SH3RF2: variants seen among roughly 807,000 people sequenced by gnomAD.
The protein encoded by SH3RF2 is SH3 domain containing ring finger 2, also known as E3 ubiquitin-protein ligase SH3RF2.
Under a neutral mutation model 59.0 loss-of-function variants are expected in SH3RF2, and 43 were observed. The ratio of observed to expected loss-of-function variants is 0.73; its 90% CI spans 0.57 to 0.94. SH3RF2 has a LOEUF of 0.94. Ranked by LOEUF, SH3RF2 falls within the 40% of genes least tolerant of loss-of-function variation. The pLI is 0.00. For missense variants in SH3RF2, 930 were observed against 940.1 expected (o/e 0.99, Z 0.14); for synonymous variants, 391 against 391.5 (o/e 1.00, Z 0.01).
At chr5:146,013,688 C>T in intron 4 of SH3RF2, 59 bp from the exon 5 acceptor site, 1 of 1,591,072 alleles carries the variant, frequency 6.3e-7, no homozygotes, top group Non-Finnish European at 8.6e-7. Context: ...TGGGTAGGAA[C>T]TGGCTACTCA....
chr5:145,951,738 C>T (rs1758202226), intron 2 of SH3RF2, among the ~76,000 whole-genome samples: 1 of 152,194 alleles, frequency 6.6e-6, no homozygotes. Flanking sequence ...GGGCATCTGC[C>T]ACTCTTTGAA....
At position 146,049,236 on chromosome 5, in the gene SH3RF2, C is replaced by A; in HGVS notation, c.1313C>A (p.Pro438His). Residue 438 changes from proline to histidine, a missense_variant, in exon 7 of 10, where the codon CCC (proline) becomes CAC (histidine). Pro to His is a moderately conservative substitution (Grantham distance 77, BLOSUM62 -2). Coordinates refer to ENST00000359120, the MANE Select transcript of SH3RF2 (RefSeq NM_152550.4). ...ATCTTCCCAAACAATTACGTCATCCCCATTTTCAGGTGTGTCGCCTCCAAT... is the reference window on the plus strand; with the variant it reads ...ATCTTCCCAAACAATTACGTCATCCACATTTTCAGGTGTGTCGCCTCCAAT... Reference protein sequence around the residue: ...VGIFPNNYVIPIFRKTSSFPD... With the variant: ...VGIFPNNYVIHIFRKTSSFPD... 1 of 1,608,704 alleles carries A rather than the reference C, an allele frequency of 6.2e-7. No individual in the cohort carries two copies. The highest frequency in any genetic ancestry group is 8.5e-7 in the Non-Finnish European group (1 of 1,176,832).
intron 9 of SH3RF2, among the ~76,000 whole-genome samples, chr5:146,069,281 CAAG>C (rs1345656736): frequency 2.6e-5 from 4 of 152,132 alleles, no homozygotes; most frequent in Admixed American, 2.6e-4. Flanking sequence ...GGAATTTTGT[CAAG>C]AATTTTTCCA....
At chr5:146,044,198 T>G (rs1172187206) in intron 5 of SH3RF2, among the ~76,000 whole-genome samples, 1 of 151,618 alleles carries the variant, frequency 6.6e-6, no homozygotes, top group Non-Finnish European at 1.5e-5. Context: ...TCACCCAGGC[T>G]AGAGTGCAAG....
chr5:145,992,887 C>A (rs144501698), intron 2 of SH3RF2, among the ~76,000 whole-genome samples: 5 of 152,262 alleles, frequency 3.3e-5, no homozygotes, highest in Non-Finnish European at 7.3e-5. Flanking sequence ...CCAATCATGC[C>A]TTCACAACAG....
At chr5:145,953,124 T>TCACACACACA (rs3221819) in intron 2 of SH3RF2, among the ~76,000 whole-genome samples, 1 of 148,718 alleles carries the variant, frequency 6.7e-6, no homozygotes, top group Non-Finnish European at 1.5e-5. Flanking sequence ...TCTCTCTCTG[T>TCACACACACA]CACACACACA....
chr5:145,954,875 G>C (rs1055008141), intron 2 of SH3RF2, among the ~76,000 whole-genome samples: 2 of 152,056 alleles, frequency 1.3e-5, no homozygotes, highest in African/African-American at 2.4e-5. Context: ...GAGCGAGAGA[G>C]AGAGAGAGAG....
At chr5:146,033,908 G>A (rs928183809) in intron 5 of SH3RF2, among the ~76,000 whole-genome samples, 34 of 152,166 alleles carry the variant, frequency 2.2e-4, no homozygotes, top group African/African-American at 9.7e-5. Context: ...TTGTTGTTAC[G>A]AAAGTCTTAT....
chr5:146,041,111 T>C (rs1052091217), intron 5 of SH3RF2, among the ~76,000 whole-genome samples: 1 of 152,196 alleles, frequency 6.6e-6, no homozygotes, highest in Non-Finnish European at 1.5e-5. Flanking sequence ...CATCAAGCTG[T>C]CCACCCATTT....
chr5:146,022,615 T>A (rs1280162334), intron 5 of SH3RF2, among the ~76,000 whole-genome samples: 1 of 152,180 alleles, frequency 6.6e-6, no homozygotes, highest in Non-Finnish European at 1.5e-5. Flanking sequence ...GGCTCATGCC[T>A]GTAATCCCAG....
intron 5 of SH3RF2, among the ~76,000 whole-genome samples, chr5:146,022,907 A>G (rs1761385160): frequency 6.6e-6 from 1 of 151,210 alleles, no homozygotes. Flanking sequence ...ACACACACAC[A>G]CACACACACA....
chr5:146,002,535 A>AGGAAG (rs1405378041), intron 3 of SH3RF2, among the ~76,000 whole-genome samples: 1 of 143,254 alleles, frequency 7.0e-6, no homozygotes, highest in South Asian at 2.2e-4. Flanking sequence ...GAAGGAAGGA[A>AGGAAG]GGATAACCTA....
At chr5:146,067,951 G>A (rs991373092), downstream of SH3RF2, among the ~76,000 whole-genome samples, 4 of 152,160 alleles carry the variant, frequency 2.6e-5, no homozygotes, top group African/African-American at 9.7e-5. Context: ...TGTGACCCTG[G>A]AGTACAGTGT....
At chr5:146,056,274 G>A in intron 8 of SH3RF2, 61 bp downstream of exon 8, 1 of 1,608,408 alleles carries the variant, frequency 6.2e-7, no homozygotes, top group Non-Finnish European at 8.5e-7. Context: ...CTGACCCAGG[G>A]GTACACAGGA....
chr5:145,951,457 G>A (rs1255400328), intron 2 of SH3RF2, among the ~76,000 whole-genome samples: 3 of 152,146 alleles, frequency 2.0e-5, no homozygotes, highest in East Asian at 1.9e-4. Flanking sequence ...AGCCACATAC[G>A]TAGGGACTCA....
At chr5:145,998,911 GAAAGA>G (rs1195531167) in intron 2 of SH3RF2, among the ~76,000 whole-genome samples, 4 of 151,980 alleles carry the variant, frequency 2.6e-5, no homozygotes, top group Non-Finnish European at 5.9e-5. Flanking sequence ...CTCCATCTCA[GAAAGA>G]AAAGAAAACA....
At chr5:146,000,851 T>A (rs1035180788) in intron 3 of SH3RF2, among the ~76,000 whole-genome samples, 2 of 152,222 alleles carry the variant, frequency 1.3e-5, no homozygotes, top group African/African-American at 4.8e-5. Flanking sequence ...GGCAGAGTAA[T>A]GGGAAGCACC....
intron 2 of SH3RF2, among the ~76,000 whole-genome samples, chr5:145,993,734 C>G (rs990957481): frequency 1.3e-5 from 2 of 152,246 alleles, no homozygotes; most frequent in African/African-American, 4.8e-5. Context: ...GCCCATGAAA[C>G]CACTTTTTCC....
At chr5:146,011,933 G>A (rs184098914) in intron 4 of SH3RF2, among the ~76,000 whole-genome samples, 12 of 152,308 alleles carry the variant, frequency 7.9e-5, no homozygotes, top group Admixed American at 6.5e-4. Flanking sequence ...TAGGAGTGGT[G>A]ACAGAGGGCA....
Sources: allele counts gnomAD v4.1 joint callset (sites outside exome capture counted in the v4.1 genomes callset), GRCh38; gene constraint gnomAD v4.1.1; transcripts MANE v1.5; gene names NCBI Gene and HGNC (gene_info 2026-07-23, HGNC 2026-07-21).